Variants in VEGFC observed in about 807,000 individuals in gnomAD.
VEGFC encodes vascular endothelial growth factor C, also known as FLT4 ligand DHM.
Under a neutral mutation model 46.1 loss-of-function variants are expected in VEGFC, and 12 were observed. That is an observed-to-expected ratio of 0.26 (90% confidence interval 0.17 to 0.42). VEGFC has a LOEUF of 0.42. Among genes scored for constraint, VEGFC ranks in the 10% least tolerant of loss-of-function variants. The probability of loss-of-function intolerance (pLI) is 1.00; values close to 1 mark genes in which losing one functional copy is unlikely to be tolerated. For missense variants in VEGFC, 488 were observed against 529.4 expected (o/e 0.92, Z 0.77); for synonymous variants, 232 against 195.5 (o/e 1.19, Z -1.56).
chr4:176,694,142 A>T (rs1222539767), intron 4 of VEGFC, among the ~76,000 whole-genome samples: 17 of 151,924 alleles, frequency 1.1e-4, no homozygotes, highest in African/African-American at 3.9e-4. Flanking sequence ...TTAACTTTAA[A>T]TGTCAATGGA....
intron 6 of VEGFC, 27 bp downstream of exon 6, chr4:176,687,160 T>C (rs1346009056): frequency 3.2e-6 from 5 of 1,585,950 alleles, no homozygotes; most frequent in Non-Finnish European, 4.3e-6. Flanking sequence ...GTAAGATAAA[T>C]TAATATTCTT....
At chr4:176,728,415 A>T (rs939321746) in intron 2 of VEGFC, among the ~76,000 whole-genome samples, 1 of 152,178 alleles carries the variant, frequency 6.6e-6, no homozygotes, top group African/African-American at 2.4e-5. Flanking sequence ...TGCATATGAG[A>T]AGACAGCTAT....
At chr4:176,701,627 C>G (rs1734434808) in intron 4 of VEGFC, among the ~76,000 whole-genome samples, 2 of 152,290 alleles carry the variant, frequency 1.3e-5, no homozygotes, top group East Asian at 1.9e-4. Flanking sequence ...TGCCTGAGTT[C>G]CACTGGTAAA....
intron 3 of VEGFC, among the ~76,000 whole-genome samples, chr4:176,720,312 G>A (rs1692787): frequency 0.21 from 31,861 of 152,008 alleles, 4,972 homozygotes; most frequent in African/African-American, 0.44. Context: ...TAAAGACCCA[G>A]TTATTGTTCT....
chr4:176,713,486 AT>A (rs1295128126), intron 3 of VEGFC, among the ~76,000 whole-genome samples: 1 of 152,058 alleles, frequency 6.6e-6, no homozygotes, highest in Non-Finnish European at 1.5e-5. Context: ...AAAATTACTT[AT>A]TTTTTATATT....
intron 4 of VEGFC, among the ~76,000 whole-genome samples, chr4:176,706,301 T>G (rs1734533624): frequency 7.9e-6 from 1 of 126,646 alleles, no homozygotes; most frequent in Non-Finnish European, 1.7e-5. Context: ...AATCAAAGAT[T>G]TGACTTAAAA....
intron 1 of VEGFC, among the ~76,000 whole-genome samples, chr4:176,742,813 G>A (rs655270): frequency 0.011 from 1,698 of 152,010 alleles, 25 homozygotes; most frequent in Middle Eastern, 0.099. Context: ...ATGATTGTTG[G>A]TGTAAGTCTT....
At chr4:176,752,033 C>T (rs1377420798) in intron 1 of VEGFC, among the ~76,000 whole-genome samples, 1 of 151,536 alleles carries the variant, frequency 6.6e-6, no homozygotes, top group Non-Finnish European at 1.5e-5. Context: ...AGATTAAACC[C>T]AATTTAGCTT....
chr4:176,761,827 A>T (rs936141827), intron 1 of VEGFC, among the ~76,000 whole-genome samples: 2 of 152,222 alleles, frequency 1.3e-5, no homozygotes, highest in African/African-American at 4.8e-5. Context: ...CAGAGAAGAG[A>T]CGAAGGCATG....
intron 1 of VEGFC, among the ~76,000 whole-genome samples, chr4:176,782,874 G>T (rs1735940111): frequency 6.6e-6 from 1 of 152,138 alleles, no homozygotes; most frequent in African/African-American, 2.4e-5. Flanking sequence ...ACTAACATCT[G>T]CACTGGAATC....
At chr4:176,756,835 G>A (rs561883178) in intron 1 of VEGFC, among the ~76,000 whole-genome samples, 2 of 152,184 alleles carry the variant, frequency 1.3e-5, no homozygotes, top group East Asian at 3.9e-4. Flanking sequence ...AGCAAAGGAT[G>A]ATGACAGCTT....
intron 3 of VEGFC, among the ~76,000 whole-genome samples, chr4:176,720,267 T>A (rs1033062669): frequency 2.6e-5 from 4 of 152,072 alleles, no homozygotes; most frequent in Non-Finnish European, 5.9e-5. Flanking sequence ...TCAAATGACA[T>A]TTATCAGAAT....
In VEGFC at chr4:176,780,391, A is replaced by AAAAAAAAAAACAAAC. The variant is rs1553997828; in HGVS notation, c.147+11773_147+11774insGTTTGTTTTTTTTTT. Among the ~76,000 whole-genome samples, 21 of 148,676 alleles carry AAAAAAAAAAACAAAC rather than the reference A, an allele frequency of 1.4e-4. No homozygotes were observed. The East Asian group carries it at 2.6e-3, about 19-fold the overall frequency. On this transcript the variant is annotated intron_variant, in intron 1 of 6. Transcript: ENST00000618562. ...AGCGAGACTCCATCTCAAAAAAAAA[A>AAAAAAAAAAACAAAC]AAAAAAAACTCCTTCTAACCCATTC...
chr4:176,766,120 A>C (rs528379986), intron 1 of VEGFC, among the ~76,000 whole-genome samples: 4 of 152,188 alleles, frequency 2.6e-5, no homozygotes, highest in Non-Finnish European at 5.9e-5. Flanking sequence ...CACAAAAAGA[A>C]AAACTTAAAA....
chr4:176,706,579 T>C (rs1372871924), intron 4 of VEGFC, among the ~76,000 whole-genome samples: 1 of 122,354 alleles, frequency 8.2e-6, no homozygotes, highest in Admixed American at 1.1e-4. Context: ...TGAGCTGAGA[T>C]CACGTCATTG....
At chr4:176,738,356 A>G (rs1452298054) in intron 1 of VEGFC, among the ~76,000 whole-genome samples, 2 of 152,074 alleles carry the variant, frequency 1.3e-5, no homozygotes, top group Non-Finnish European at 2.9e-5. Flanking sequence ...GAAGAGACAC[A>G]TAGACCAATG....
At chr4:176,685,163 T>C (rs1734016944) in intron 6 of VEGFC, among the ~76,000 whole-genome samples, 1 of 152,226 alleles carries the variant, frequency 6.6e-6, no homozygotes, top group Non-Finnish European at 1.5e-5. Flanking sequence ...CACAATTTGG[T>C]TTTGACATTT....
chr4:176,779,506 AT>A (rs1735871067), intron 1 of VEGFC, among the ~76,000 whole-genome samples: 1 of 152,210 alleles, frequency 6.6e-6, no homozygotes, highest in Admixed American at 6.5e-5. Context: ...GAAGATTTGC[AT>A]AACACGTGTC....
chr4:176,736,049 C>T (rs539028501), intron 1 of VEGFC, among the ~76,000 whole-genome samples: 2 of 151,776 alleles, frequency 1.3e-5, no homozygotes, highest in African/African-American at 4.8e-5. Context: ...ACTATCTCCA[C>T]CTTGAAGCCC....
Sources: gnomAD v4.1 joint callset for allele counts (sites outside exome capture counted in the v4.1 genomes callset) on GRCh38, gnomAD v4.1.1 for gene constraint, MANE v1.5 for transcripts, NCBI Gene and HGNC (gene_info 2026-07-23, HGNC 2026-07-21) for gene names.